The following NEBL variants were observed in gnomAD, a reference collection of about 807,000 sequenced individuals.
NEBL encodes LIM and SH3 protein 2.
In NEBL, 122 loss-of-function variants were observed where a neutral mutation model predicts 140.2. The ratio of observed to expected loss-of-function variants is 0.87; its 90% CI spans 0.75 to 1.01. The LOEUF (loss-of-function observed/expected upper bound fraction) is 1.01. NEBL is among the 50% of genes least tolerant of loss of function. The pLI is 0.00. For synonymous variants in NEBL, 436 were observed against 398.9 expected (o/e 1.09, Z -1.11); for missense variants, 1,365 against 1,231.3 (o/e 1.11, Z -1.62).
chr10:21,061,338 A>G (rs1250404911), intron 2 of NEBL, among the ~76,000 whole-genome samples: 1 of 147,788 alleles, frequency 6.8e-6, no homozygotes, highest in East Asian at 2.0e-4. Flanking sequence ...ATTATGTGAT[A>G]TGTAATATGT....
intron 4 of NEBL, among the ~76,000 whole-genome samples, chr10:20,906,305 A>G (rs1032657882): frequency 6.6e-6 from 1 of 152,086 alleles, no homozygotes; most frequent in Non-Finnish European, 1.5e-5. Flanking sequence ...ACTAACACCT[A>G]TGTTCACTGA....
chr10:21,032,997 G>C (rs535791894), intron 2 of NEBL, among the ~76,000 whole-genome samples: 2 of 152,128 alleles, frequency 1.3e-5, no homozygotes, highest in South Asian at 4.1e-4. Context: ...TGGTGTAAAA[G>C]GTGAGAAATT....
At chr10:20,862,678 C>G (rs1033047275) in intron 7 of NEBL, among the ~76,000 whole-genome samples, 2 of 152,162 alleles carry the variant, frequency 1.3e-5, no homozygotes, top group African/African-American at 4.8e-5. Context: ...AGGCATAACC[C>G]TTTCAGTTTT....
chr10:21,288,820 G>GTGTGTATATATATATATATATATATA (rs1477748950), intron 1 of NEBL, among the ~76,000 whole-genome samples: 2 of 35,024 alleles, frequency 5.7e-5, no homozygotes, highest in African/African-American at 1.9e-4. Context: ...GTGTGTGTGT[G>GTGTGTATATATATATATATATATATA]TATATATATA....
intron 2 of NEBL, among the ~76,000 whole-genome samples, chr10:21,050,206 G>A (rs1340479636): frequency 1.3e-5 from 2 of 152,118 alleles, no homozygotes; most frequent in Admixed American, 6.5e-5. Flanking sequence ...CATTAGATAC[G>A]TGCTGATAAA....
chr10:20,808,476 T>A (rs1288581087), intron 26 of NEBL, 34 bp downstream of exon 26: 2 of 1,609,454 alleles, frequency 1.2e-6, no homozygotes. Flanking sequence ...AAAAAATGAA[T>A]CGATTTTCTT....
At chr10:20,952,440 GA>G (rs71390801) in intron 4 of NEBL, among the ~76,000 whole-genome samples, 46,247 of 101,658 alleles carry the variant, frequency 0.45, 10,053 homozygotes, top group Non-Finnish European at 0.56. Context: ...CTGTCTGAAG[GA>G]AAAAAAAAAA....
At chr10:21,179,547 T>G (rs1013253318), upstream of NEBL, among the ~76,000 whole-genome samples, 1 of 151,366 alleles carries the variant, frequency 6.6e-6, no homozygotes, top group Admixed American at 6.6e-5. Flanking sequence ...AGGAGATAGA[T>G]TTGAGGATCT....
intron 3 of NEBL, among the ~76,000 whole-genome samples, chr10:21,223,022 C>A (rs1842094456): frequency 6.6e-6 from 1 of 152,242 alleles, no homozygotes; most frequent in Admixed American, 6.5e-5. Context: ...CTTGGCTTCC[C>A]AAAGTGCTGG....
At chr10:21,219,313 A>C (rs1483652798) in intron 3 of NEBL, among the ~76,000 whole-genome samples, 1 of 152,264 alleles carries the variant, frequency 6.6e-6, no homozygotes, top group East Asian at 1.9e-4. Context: ...GGACTGACTT[A>C]AAGCCTAGAA....
At chr10:21,031,539 C>G (rs1445020919) in intron 2 of NEBL, among the ~76,000 whole-genome samples, 1 of 152,154 alleles carries the variant, frequency 6.6e-6, no homozygotes, top group Admixed American at 6.5e-5. Context: ...TACATCTAAG[C>G]GGCGCTGTGT....
intron 2 of NEBL, among the ~76,000 whole-genome samples, chr10:21,088,230 G>A (rs1589222508): frequency 6.6e-6 from 1 of 152,228 alleles, no homozygotes; most frequent in Non-Finnish European, 1.5e-5. Context: ...TCCAGGCACA[G>A]TGGCTCACAC....
chr10:21,240,330 G>A (rs1842422947), intron 3 of NEBL, among the ~76,000 whole-genome samples: 2 of 152,120 alleles, frequency 1.3e-5, no homozygotes, highest in African/African-American at 4.8e-5. Context: ...AAAATCAATC[G>A]CTTGGTTCAT....
rs1842389574 is a variant in NEBL at position 20,850,398 on chromosome 10, A to G, written c.1113T>C (p.Ser371=). The G allele has an allele frequency of 6.9e-6, 11 of 1,592,016 alleles. No homozygotes were observed. Among genetic ancestry groups the G allele is most frequent in the East Asian group, 2.2e-5 (1 of 44,754 alleles). Residue 371 remains serine, a synonymous_variant, in exon 11 of 28, where the codon AGT becomes AGC. Coordinates refer to ENST00000377122, the MANE Select transcript of NEBL (RefSeq NM_006393.3). ...AGTAACAAACTAATTGACCTACTTC[A>G]CTTTGCATCTTTTGAGCCTCCTTTG... is the stretch of plus-strand genomic sequence containing the variant. The part of the protein sequence containing the change: ...QASKEAQKMQ[S]EKVYKEDFEK...
intron 12 of NEBL, among the ~76,000 whole-genome samples, chr10:20,844,207 G>T (rs2130997725): frequency 6.6e-6 from 1 of 152,154 alleles, no homozygotes; most frequent in Non-Finnish European, 1.5e-5. Context: ...GCTTATTAAA[G>T]AAGTTCATGA....
rs1242935298 is a variant in NEBL, at chr10:21,029,064, T to C, written c.165-8863A>G. 3.8e-6 allele frequency: 4 copies of C among 1,044,218 alleles called. No homozygotes were observed. The Admixed American group carries it at 5.2e-5, about 14-fold the overall frequency. The allele number at this position is 1,044,218 out of a possible 1,614,324, so 64.7% of individuals were successfully genotyped here. On this transcript the variant is annotated intron_variant, in intron 2 of 6. Transcript: ENST00000417816. ...CTATCTCCCTAACAGACTTTCTAGCTGAGGACTGGGGGACTGGTGGAGGAA... is the reference window on the plus strand; with the variant it reads ...CTATCTCCCTAACAGACTTTCTAGCCGAGGACTGGGGGACTGGTGGAGGAA...
intron 4 of NEBL, among the ~76,000 whole-genome samples, chr10:20,951,448 G>T (rs1452181467): frequency 6.7e-6 from 1 of 148,456 alleles, no homozygotes; most frequent in Non-Finnish European, 1.5e-5. Flanking sequence ...AAAATGCAAA[G>T]TAAATTAGAG....
chr10:20,791,750 A>G (rs1175345459), intron 26 of NEBL, among the ~76,000 whole-genome samples: 1 of 152,200 alleles, frequency 6.6e-6, no homozygotes, highest in Non-Finnish European at 1.5e-5. Flanking sequence ...AATATACGTA[A>G]ATACACAAAG....
chr10:20,811,347 G>T (rs1468672197), intron 24 of NEBL, among the ~76,000 whole-genome samples: 1 of 152,138 alleles, frequency 6.6e-6, no homozygotes, highest in Non-Finnish European at 1.5e-5. Flanking sequence ...GCAGGGCCTG[G>T]AAGTAAGCTG....
Sources: allele counts gnomAD v4.1 joint callset (sites outside exome capture counted in the v4.1 genomes callset), GRCh38; gene constraint gnomAD v4.1.1; transcripts MANE v1.5; gene names NCBI Gene and HGNC (gene_info 2026-07-23, HGNC 2026-07-21).